THSD4: variants seen among roughly 807,000 people sequenced by gnomAD.
The protein encoded by THSD4 is thrombospondin type-1 domain-containing protein 4.
In THSD4, 69 loss-of-function variants were observed where a neutral mutation model predicts 119.0. The observed-to-expected ratio is 0.58, with a 90% confidence interval of 0.48 to 0.71. The LOEUF is 0.71. Ranked by LOEUF, THSD4 falls within the 30% of genes least tolerant of loss-of-function variation. The probability of loss-of-function intolerance (pLI) is 0.00; values close to 1 mark genes in which losing one functional copy is unlikely to be tolerated. For synonymous variants in THSD4, 524 were observed against 540.4 expected, an observed-to-expected ratio of 0.97 and a Z score of 0.42; for missense variants, 1,393 against 1,391.1, an observed-to-expected ratio of 1.00 and a Z score of -0.02.
At chr15:71,355,816 T>G (rs2045802450) in intron 6 of THSD4, among the ~76,000 whole-genome samples, 1 of 152,138 alleles carries the variant, frequency 6.6e-6, no homozygotes, top group African/African-American at 2.4e-5. Flanking sequence ...GGTAAAAAAT[T>G]GAGTCTTAGA....
intron 1 of THSD4, among the ~76,000 whole-genome samples, chr15:71,108,641 C>T (rs894708687): frequency 1.3e-5 from 2 of 152,150 alleles, no homozygotes; most frequent in Non-Finnish European, 2.9e-5. Flanking sequence ...CACATTCTCA[C>T]GGTGTGAATG....
chr15:71,145,436 C>G (rs1195189811), intron 2 of THSD4, among the ~76,000 whole-genome samples: 1 of 151,922 alleles, frequency 6.6e-6, no homozygotes, highest in African/African-American at 2.4e-5. Flanking sequence ...GGTTGATGGC[C>G]CTAGGTCAAG....
intron 16 of THSD4, among the ~76,000 whole-genome samples, chr15:71,768,148 G>A (rs1158173654): frequency 6.6e-6 from 1 of 151,950 alleles, no homozygotes; most frequent in East Asian, 1.9e-4. Flanking sequence ...GGTGCTGAGG[G>A]AATATGATAG....
chr15:71,368,055 T>C (rs1343285602), intron 6 of THSD4, among the ~76,000 whole-genome samples: 1 of 152,236 alleles, frequency 6.6e-6, no homozygotes, highest in African/African-American at 2.4e-5. Context: ...CATTTTTTCA[T>C]GTGTCTTTTG....
chr15:71,316,868 CT>C (rs1386274343), intron 6 of THSD4, among the ~76,000 whole-genome samples: 1 of 152,188 alleles, frequency 6.6e-6, no homozygotes, highest in Non-Finnish European at 1.5e-5. Flanking sequence ...AAGTATTATA[CT>C]TTGTAGTTAT....
At chr15:71,214,889 C>T in intron 3 of THSD4, 146 bp from the exon 4 acceptor site, 1 of 1,185,138 alleles carries the variant, frequency 8.4e-7, no homozygotes, top group Non-Finnish European at 1.0e-6. Context: ...AAAACCGACT[C>T]TAAGCCAGGC....
intron 7 of THSD4, among the ~76,000 whole-genome samples, chr15:71,458,850 A>G (rs2047374760): frequency 6.6e-6 from 1 of 152,226 alleles, no homozygotes; most frequent in Non-Finnish European, 1.5e-5. Flanking sequence ...ACTTTAGGTT[A>G]TAGTCTTTCA....
intron 7 of THSD4, among the ~76,000 whole-genome samples, chr15:71,489,284 G>A (rs1182973749): frequency 6.6e-6 from 1 of 152,030 alleles, no homozygotes; most frequent in Non-Finnish European, 1.5e-5. Flanking sequence ...TTTGGTGGTG[G>A]GTGTAAAATA....
chr15:71,693,413 A>G (rs1032969443), intron 8 of THSD4, among the ~76,000 whole-genome samples: 1 of 152,206 alleles, frequency 6.6e-6, no homozygotes, highest in African/African-American at 2.4e-5. Flanking sequence ...TTGGGAGGCC[A>G]AGGTGGGCAG....
At chr15:71,528,303 T>C (rs2048557425) in intron 7 of THSD4, among the ~76,000 whole-genome samples, 1 of 152,142 alleles carries the variant, frequency 6.6e-6, no homozygotes, top group Non-Finnish European at 1.5e-5. Flanking sequence ...CTTGACTCTC[T>C]GAGAGTCATG....
At chr15:71,638,489 A>G (rs549104823) in intron 7 of THSD4, among the ~76,000 whole-genome samples, 3 of 152,364 alleles carry the variant, frequency 2.0e-5, no homozygotes, top group South Asian at 4.1e-4. Flanking sequence ...AACTGCACAT[A>G]GAATTGGCAA....
intron 7 of THSD4, among the ~76,000 whole-genome samples, chr15:71,619,266 C>G (rs1373325187): frequency 6.6e-6 from 1 of 152,194 alleles, no homozygotes; most frequent in East Asian, 1.9e-4. Flanking sequence ...GCCACCGCGC[C>G]TGGTCTTGGA....
At chr15:71,768,462 C>T (rs1356536447) in intron 16 of THSD4, among the ~76,000 whole-genome samples, 3 of 150,886 alleles carry the variant, frequency 2.0e-5, no homozygotes. Context: ...TTTTTAAGTG[C>T]AAGAATGAAA....
At chr15:71,716,581 T>TGTGTGTGTGTGTG (rs1567116002) in intron 8 of THSD4, among the ~76,000 whole-genome samples, 4 of 43,328 alleles carry the variant, frequency 9.2e-5, no homozygotes, top group Non-Finnish European at 1.7e-4. Context: ...TGTGTGTGTG[T>TGTGTGTGTGTGTG]TGGTTTTTGT....
At chr15:71,113,687 A>T (rs140244638), upstream of THSD4, 2 of 152,266 alleles carry the variant, frequency 1.3e-5, no homozygotes, top group East Asian at 3.9e-4. Flanking sequence ...CCTCACGTGG[A>T]GTTTCTTTTA....
intron 1 of THSD4, among the ~76,000 whole-genome samples, chr15:71,119,733 C>A (rs571370739): frequency 2.0e-5 from 3 of 152,322 alleles, no homozygotes; most frequent in African/African-American, 7.2e-5. Flanking sequence ...TGGGACCCCC[C>A]GAATAGGGCT....
intron 7 of THSD4, among the ~76,000 whole-genome samples, chr15:71,500,987 G>A (rs2048103458): frequency 6.6e-6 from 1 of 152,152 alleles, no homozygotes; most frequent in Non-Finnish European, 1.5e-5. Flanking sequence ...ATGAATTTTA[G>A]AATTGTTTTT....
intron 6 of THSD4, among the ~76,000 whole-genome samples, chr15:71,334,426 T>C (rs2045466648): frequency 6.6e-6 from 1 of 152,228 alleles, no homozygotes; most frequent in Non-Finnish European, 1.5e-5. Context: ...GGATTCAGCA[T>C]GAGAGTGTAT....
intron 7 of THSD4, among the ~76,000 whole-genome samples, chr15:71,423,021 G>A (rs527862154): frequency 6.6e-6 from 1 of 152,278 alleles, no homozygotes; most frequent in African/African-American, 2.4e-5. Context: ...TTCACTCGAG[G>A]ACCAACTGGT....
Sources: allele counts gnomAD v4.1 joint callset (sites outside exome capture counted in the v4.1 genomes callset), GRCh38; gene constraint gnomAD v4.1.1; transcripts MANE v1.5; gene names NCBI Gene and HGNC (gene_info 2026-07-23, HGNC 2026-07-21).